Variants in KCNK13 observed in about 807,000 individuals in gnomAD.
KCNK13 encodes the protein potassium two pore domain channel subfamily K member 13, also known as potassium channel subfamily K member 13.
A neutral mutation model predicts 23.4 loss-of-function variants in KCNK13; 12 were observed. That is an observed-to-expected ratio of 0.51 (90% CI 0.33 to 0.83). The LOEUF is 0.83. Among genes scored for constraint, KCNK13 ranks in the 40% least tolerant of loss-of-function variants. KCNK13 has a pLI of 0.02. For missense variants in KCNK13, 463 were observed against 556.3 expected (o/e 0.83, Z 1.69); for synonymous variants, 231 against 229.5 (o/e 1.01, Z -0.06).
At chr14:90,152,151 G>A (rs1025638665) in intron 1 of KCNK13, among the ~76,000 whole-genome samples, 9 of 152,170 alleles carry the variant, frequency 5.9e-5, no homozygotes, top group African/African-American at 2.2e-4. Context: ...TTCCCATGCT[G>A]TTCTCATGGT....
At chr14:90,065,841 A>G (rs1889001602) in intron 1 of KCNK13, among the ~76,000 whole-genome samples, 1 of 152,204 alleles carries the variant, frequency 6.6e-6, no homozygotes, top group Non-Finnish European at 1.5e-5. Context: ...AATGGTGGGG[A>G]ATCCCATGGA....
At chr14:90,111,858 A>G (rs1843321048) in intron 1 of KCNK13, among the ~76,000 whole-genome samples, 1 of 152,186 alleles carries the variant, frequency 6.6e-6, no homozygotes, top group South Asian at 2.1e-4. Context: ...CAACTTCTCT[A>G]GTAATATTCT....
At chr14:90,124,306 C>A (rs1476081062) in intron 1 of KCNK13, among the ~76,000 whole-genome samples, 1 of 152,170 alleles carries the variant, frequency 6.6e-6, no homozygotes, top group Non-Finnish European at 1.5e-5. Context: ...TGGCCCCTGC[C>A]CCAAGACAGG....
intron 1 of KCNK13, among the ~76,000 whole-genome samples, chr14:90,071,792 G>A (rs558944607): frequency 6.6e-6 from 1 of 152,242 alleles, no homozygotes; most frequent in African/African-American, 2.4e-5. Context: ...CAGCTACTGG[G>A]GAGGCTGAGG....
In KCNK13 at chr14:90,179,902, C is replaced by T. The variant is rs190637166; in HGVS notation, c.335-4209C>T. ...GTACATGAAAATTTTAAGGTTTTAG[C>T]TTGTGATGCCAGCCAAACCCTGCCC... On this transcript the variant is annotated intron_variant, in intron 1 of 1. Coordinates refer to ENST00000282146, the MANE Select transcript of KCNK13 (RefSeq NM_022054.4). 7.4e-4 allele frequency among the ~76,000 whole-genome samples: 113 copies of T among 152,300 alleles called. 1 individual carries two copies. Among genetic ancestry groups the T allele is most frequent in the African/African-American group, 2.7e-3 (111 of 41,564 alleles).
intron 1 of KCNK13, among the ~76,000 whole-genome samples, chr14:90,152,237 T>C (rs1056649096): frequency 1.7e-4 from 26 of 152,202 alleles, no homozygotes; most frequent in Admixed American, 9.8e-4. Context: ...CCCGCTACCA[T>C]GTAAGACATG....
Position 90,145,953 on chromosome 14 carries a change from G to A in KCNK13, c.335-38158G>A, listed in dbSNP as rs960439794. On this transcript the variant is annotated intron_variant, in intron 1 of 1. Transcript: ENST00000282146. ...TTGAGCTCAGAAGGCCAAGGCTGCA[G>A]TGAGCCATGATCACGCCTGGGTAAC... Among the ~76,000 whole-genome samples the A allele has an allele frequency of 6.7e-5, 10 of 150,138 alleles. No individual in the cohort carries two copies. In the East Asian group the frequency reaches 1.8e-3, roughly 27 times the overall value.
intron 1 of KCNK13, among the ~76,000 whole-genome samples, chr14:90,130,777 G>A (rs1889859384): frequency 6.6e-6 from 1 of 152,074 alleles, no homozygotes; most frequent in Non-Finnish European, 1.5e-5. Context: ...TCGCACCACT[G>A]CACTCCAGCC....
At chr14:90,121,748 C>T (rs889896519) in intron 1 of KCNK13, among the ~76,000 whole-genome samples, 8 of 152,078 alleles carry the variant, frequency 5.3e-5, no homozygotes, top group African/African-American at 1.7e-4. Flanking sequence ...TTGAGACAGT[C>T]TCGCTCTGTC....
intron 1 of KCNK13, among the ~76,000 whole-genome samples, chr14:90,137,212 A>G (rs1889947588): frequency 6.6e-6 from 1 of 152,218 alleles, no homozygotes; most frequent in South Asian, 2.1e-4. Flanking sequence ...TCCTGCTAGT[A>G]ACAAGGTACC....
intron 1 of KCNK13, among the ~76,000 whole-genome samples, chr14:90,168,814 G>A (rs145273630): frequency 2.2e-4 from 33 of 152,304 alleles, no homozygotes; most frequent in African/African-American, 7.0e-4. Context: ...ACCTTGAATT[G>A]TAATAATCCC....
chr14:90,132,652 T>C (rs1343254827), intron 1 of KCNK13, among the ~76,000 whole-genome samples: 3 of 152,080 alleles, frequency 2.0e-5, no homozygotes, highest in Non-Finnish European at 2.9e-5. Context: ...TTTTGCAAGA[T>C]GGAGGAAATG....
intron 1 of KCNK13, among the ~76,000 whole-genome samples, chr14:90,117,556 C>T (rs1425641875): frequency 6.6e-6 from 1 of 152,076 alleles, no homozygotes; most frequent in Non-Finnish European, 1.5e-5. Flanking sequence ...CACCATTGCA[C>T]TCCAGCCTGG....
intron 1 of KCNK13, among the ~76,000 whole-genome samples, chr14:90,165,150 C>T (rs1357769218): frequency 6.6e-6 from 1 of 152,100 alleles, no homozygotes; most frequent in Non-Finnish European, 1.5e-5. Context: ...ACAATAACAA[C>T]CCAGGAAAGA....
intron 1 of KCNK13, among the ~76,000 whole-genome samples, chr14:90,083,947 T>C (rs772561118): frequency 6.6e-6 from 1 of 152,206 alleles, no homozygotes; most frequent in Non-Finnish European, 1.5e-5. Context: ...TAGCCCCATT[T>C]AATTGTTTTA....
chr14:90,153,136 C>T (rs1265594897), intron 1 of KCNK13, among the ~76,000 whole-genome samples: 1 of 152,166 alleles, frequency 6.6e-6, no homozygotes, highest in Non-Finnish European at 1.5e-5. Flanking sequence ...GCTCAGACAT[C>T]CCCTGCCTCC....
At chr14:90,082,863 A>G (rs772757181) in intron 1 of KCNK13, among the ~76,000 whole-genome samples, 2 of 152,220 alleles carry the variant, frequency 1.3e-5, no homozygotes, top group Non-Finnish European at 2.9e-5. Flanking sequence ...ATCTTTGGAC[A>G]AACTTCCAAA....
intron 1 of KCNK13, among the ~76,000 whole-genome samples, chr14:90,085,213 A>G (rs1889257666): frequency 6.6e-6 from 1 of 152,000 alleles, no homozygotes; most frequent in African/African-American, 2.4e-5. Flanking sequence ...CCAAAGTGCT[A>G]GGATTACAGG....
chr14:90,132,760 T>C (rs1452669011), intron 1 of KCNK13, among the ~76,000 whole-genome samples: 1 of 152,190 alleles, frequency 6.6e-6, no homozygotes, highest in African/African-American at 2.4e-5. Context: ...TTTCATGTTA[T>C]GTATATTTTA....
Sources: allele counts gnomAD v4.1 joint callset (sites outside exome capture counted in the v4.1 genomes callset), GRCh38; gene constraint gnomAD v4.1.1; transcripts MANE v1.5; gene names NCBI Gene and HGNC (gene_info 2026-07-23, HGNC 2026-07-21).